Variants in XIRP1 observed in about 807,000 individuals in gnomAD.
XIRP1 encodes the protein xin actin binding repeat containing 1.
For synonymous variants in XIRP1, 984 were observed against 947.0 expected, an observed-to-expected ratio of 1.04 and a Z score of -0.72; for missense variants, 2,378 against 2,345.4, an observed-to-expected ratio of 1.01 and a Z score of -0.29.
Position 39,188,715 on chromosome 3 carries a change from T to A in XIRP1, c.731A>T (p.Gln244Leu). 6.2e-7 allele frequency: 1 copy of A among 1,613,752 alleles called. No individual in the cohort carries two copies. Among genetic ancestry groups the A allele is most frequent in the Non-Finnish European group, 8.5e-7 (1 of 1,180,042 alleles). Residue 244 changes from glutamine to leucine, a missense_variant, in exon 2 of 2, where the codon CAG becomes CTG. Coordinates refer to ENST00000340369, the MANE Select transcript of XIRP1 (RefSeq NM_194293.4). ...CTCATGGATGGCGCCCTCTGCATCC[T>A]GGATGGCACACAGGGGCTCCGTTTG... ...LFQTEPLCAI[Q>L]DAEGAIHEVK...
At chr3:39,192,293 G>A (rs2040097111) in intron 1 of XIRP1, among the ~76,000 whole-genome samples, 153 bp downstream of exon 1, 2 of 152,144 alleles carry the variant, frequency 1.3e-5, no homozygotes, top group Admixed American at 6.5e-5. Flanking sequence ...GGTTCTTTAT[G>A]TCTGAGACTT....
In XIRP1 at chr3:39,188,847, A is replaced by T; in HGVS notation, c.599T>A (p.Leu200Gln). 1 of 1,612,508 alleles carries T rather than the reference A, an allele frequency of 6.2e-7. No individual in the cohort carries two copies. Among genetic ancestry groups the T allele is most frequent in the Non-Finnish European group, 8.5e-7 (1 of 1,180,028 alleles). ...GGAGGGGCGGGAGCCCAGGCGGTCC[A>T]GCGGCCGCGTCTCAAAGAGCATCCT... The part of the protein sequence containing the change: ...GTRMLFETRP[L>Q]DRLGSRPSLQ... The change falls in exon 2 of 2, where the codon CTG becomes CAG. Residue 200 changes from leucine to glutamine, a missense_variant. By Grantham distance (113) the Leu-to-Gln change is moderately radical. Transcript: ENST00000340369.
In XIRP1 at chr3:39,185,674, G is replaced by C; in HGVS notation, c.3772C>G (p.Pro1258Ala). 6.2e-7 allele frequency: 1 copy of C among 1,613,016 alleles called. No homozygotes were observed. Among genetic ancestry groups the C allele is most frequent in the Non-Finnish European group, 8.5e-7 (1 of 1,179,448 alleles). Residue 1258 changes from proline (P) to alanine (A), a missense_variant, in exon 2 of 2, where the codon CCT (proline) becomes GCT (alanine). Transcript: ENST00000340369. ...HPHNAFVPPP[P>A]TLPAAVTGPD... Reference sequence around the variant, plus strand: ...CCTGTCACAGCAGCTGGGAGAGTAGGAGGAGGAGGAACAAAGGCATTATGG... The same window carrying C: ...CCTGTCACAGCAGCTGGGAGAGTAGCAGGAGGAGGAACAAAGGCATTATGG...
chr3:39,183,765 C>T lies in XIRP1; in HGVS notation c.*149G>A, dbSNP rs1465707117. The T allele has an allele frequency of 1.6e-5, 21 of 1,290,434 alleles. No homozygotes were observed. Among genetic ancestry groups the T allele is most frequent in the Non-Finnish European group, 2.1e-5 (20 of 970,064 alleles). The allele number at this position is 1,290,434 out of a possible 1,614,324, so 79.9% of individuals were successfully genotyped here. A position where few individuals can be genotyped will look rare whatever the true frequency, so the allele number is the denominator to read the frequency against. Reference sequence around the variant, plus strand: ...GGAAGAACTGGGCCTATTGAAAGAACTGCGAAAGGGAAATGGCCCACAGTA... The same window carrying T: ...GGAAGAACTGGGCCTATTGAAAGAATTGCGAAAGGGAAATGGCCCACAGTA... On this transcript the variant is annotated 3_prime_UTR_variant, in exon 2 of 2. Coordinates refer to ENST00000340369, the MANE Select transcript of XIRP1 (RefSeq NM_194293.4).
Position 39,186,021 on chromosome 3 carries a change from A to G in XIRP1, c.3425T>C (p.Ile1142Thr). 6.2e-7 allele frequency: 1 copy of G among 1,614,116 alleles called. No individual in the cohort carries two copies. Among genetic ancestry groups the G allele is most frequent in the Non-Finnish European group, 8.5e-7 (1 of 1,179,986 alleles). The change falls in exon 2 of 2, where the codon ATC becomes ACC. Residue 1142 changes from isoleucine (I) to threonine (T), a missense_variant. Ile to Thr is a moderately conservative substitution (Grantham distance 89, BLOSUM62 -1). Transcript: ENST00000340369. The part of the protein sequence containing the change: ...PGGWVTIQDG[I>T]YTAHPVRTFD... ...GGTCCTCACGGGATGAGCGGTGTAGATGCCATCCTGAATTGTCACCCACCC... is the reference window on the plus strand; with the variant it reads ...GGTCCTCACGGGATGAGCGGTGTAGGTGCCATCCTGAATTGTCACCCACCC...
chr3:39,189,307 G>C lies in XIRP1; in HGVS notation c.139C>G (p.Gln47Glu). The change falls in exon 2 of 2, where the codon CAG becomes GAG. Residue 47 changes from glutamine to glutamate, a missense_variant. Coordinates refer to ENST00000340369, the MANE Select transcript of XIRP1 (RefSeq NM_194293.4). ...CGGAGCTCACTAGCTTGCCGCTGCT[G>C]ATGGAACTTGGAGAAGGATTCCTTG... ...PPKESFSKFH[Q>E]QRQASELRRL... is the part of the protein sequence containing the mutation. 1.3e-6 allele frequency: 2 copies of C among 1,563,670 alleles called. No homozygotes were observed. Among genetic ancestry groups the C allele is most frequent in the South Asian group, 2.2e-5 (2 of 90,478 alleles).
intron 1 of XIRP1, among the ~76,000 whole-genome samples, chr3:39,191,121 C>T (rs949372152): frequency 8.5e-5 from 13 of 152,198 alleles, no homozygotes; most frequent in African/African-American, 4.8e-5. Flanking sequence ...AAACTGAGAC[C>T]TGCTGACCCC....
Position 39,185,481 on chromosome 3 carries a change from T to C in XIRP1, c.3965A>G (p.Lys1322Arg), listed in dbSNP as rs777109819. 1.3e-6 allele frequency: 2 copies of C among 1,569,560 alleles called. No individual in the cohort carries two copies. Among genetic ancestry groups the C allele is most frequent in the Non-Finnish European group, 1.7e-6 (2 of 1,158,158 alleles). The change falls in exon 2 of 2, where the codon AAG becomes AGG. Residue 1322 changes from lysine to arginine, a missense_variant. Coordinates refer to ENST00000340369, the MANE Select transcript of XIRP1 (RefSeq NM_194293.4). ...PKLDPTMPPK[K>R]KPQLPPKPAH... Reference sequence around the variant, plus strand: ...AGGTTTAGGGGGCAGCTGCGGCTTCTTCTTTGGGGGCATGGTGGGGTCCAG... The same window carrying C: ...AGGTTTAGGGGGCAGCTGCGGCTTCCTCTTTGGGGGCATGGTGGGGTCCAG...
rs202230235 is a variant in XIRP1 at position 39,185,308 on chromosome 3, C to T, written c.4138G>A (p.Val1380Ile). ...IPQPAKVPTT[V>I]DQGHIPLARC... ...GCCAGAGGTATGTGGCCCTGGTCTA[C>T]AGTAGTGGGAACCTTGGCTGGCTGA... The change falls in exon 2 of 2, where the codon GTA becomes ATA. Residue 1380 changes from valine (V) to isoleucine (I), a missense_variant. Val to Ile is a conservative substitution (Grantham distance 29). Coordinates refer to ENST00000340369, the MANE Select transcript of XIRP1 (RefSeq NM_194293.4). The T allele has an allele frequency of 1.2e-6, 2 of 1,614,068 alleles. No homozygotes were observed. Among genetic ancestry groups the T allele is most frequent in the African/African-American group, 1.3e-5 (1 of 74,912 alleles).
chr3:39,187,313 C>G lies in XIRP1; in HGVS notation c.2133G>C (p.Gln711His). 1 of 1,594,630 alleles carries G rather than the reference C, an allele frequency of 6.3e-7. No individual in the cohort carries two copies. Among genetic ancestry groups the G allele is most frequent in the Non-Finnish European group, 8.5e-7 (1 of 1,169,694 alleles). The change falls in exon 2 of 2, where the codon CAG (glutamine) becomes CAC (histidine). Residue 711 changes from glutamine to histidine, a missense_variant. Coordinates refer to ENST00000340369, the MANE Select transcript of XIRP1 (RefSeq NM_194293.4). ...QALEAGKKEE[Q>H]EPRVIAGSIP... is the part of the protein sequence containing the mutation. ...TGGACCCAGCGATTACCCGGGGCTC[C>G]TGTTCTTCCTTCTTGCCTGCCTCCA...
Position 39,188,783 on chromosome 3 carries a change from G to A in XIRP1, c.663C>T (p.Ile221=). ...EQSPLELRSE[I]QELKGDVKKT... ...TTTTCACATCACCCTTCAGCTCCTG[G>A]ATCTCTGAGCGCAGTTCCAAGGGGC... The change falls in exon 2 of 2, where the codon ATC becomes ATT. Residue 221 remains isoleucine (I), a synonymous_variant. Transcript: ENST00000340369. 1.2e-6 allele frequency: 2 copies of A among 1,613,618 alleles called. No homozygotes were observed. Among genetic ancestry groups the A allele is most frequent in the Non-Finnish European group, 1.7e-6 (2 of 1,180,038 alleles).
Position 39,184,491 on chromosome 3 carries a change from T to C in XIRP1, c.4955A>G (p.Glu1652Gly), listed in dbSNP as rs2039926028. 1.2e-6 allele frequency: 2 copies of C among 1,613,852 alleles called. No homozygotes were observed. Among genetic ancestry groups the C allele is most frequent in the African/African-American group, 1.3e-5 (1 of 74,918 alleles). Reference protein sequence around the residue: ...PSTRRQETSREYLCPPRVLPS... With the variant: ...PSTRRQETSRGYLCPPRVLPS... ...TAAAACCCGAGGAGGGCACAAATACTCTCTTGATGTCTCCTGCCTCCTGGT... is the reference window on the plus strand; with the variant it reads ...TAAAACCCGAGGAGGGCACAAATACCCTCTTGATGTCTCCTGCCTCCTGGT... The change falls in exon 2 of 2, where the codon GAG becomes GGG. Residue 1652 changes from glutamate to glycine, a missense_variant. Physicochemically the swap from Glu to Gly is moderately conservative, Grantham distance 98. Coordinates refer to ENST00000340369, the MANE Select transcript of XIRP1 (RefSeq NM_194293.4).
Position 39,185,673 on chromosome 3 carries a change from G to A in XIRP1, c.3773C>T (p.Pro1258Leu), listed in dbSNP as rs2039955272. ...TCCTGTCACAGCAGCTGGGAGAGTA[G>A]GAGGAGGAGGAACAAAGGCATTATG... ...HPHNAFVPPP[P>L]TLPAAVTGPD... Residue 1258 changes from proline to leucine, a missense_variant, in exon 2 of 2, where the codon CCT becomes CTT. Transcript: ENST00000340369. 5.0e-6 allele frequency: 8 copies of A among 1,613,060 alleles called. No homozygotes were observed. The highest frequency in any genetic ancestry group is 6.8e-6 in the Non-Finnish European group (8 of 1,179,488).
Position 39,183,556 on chromosome 3 carries a change from TG to T in XIRP1, c.*357del, listed in dbSNP as rs878876522. On this transcript the variant is annotated 3_prime_UTR_variant, in exon 2 of 2. Transcript: ENST00000340369. ...AAAAACTCTGGGTAGAGGGACACTC[TG>T]GGGGGCTCCAATTCAGGCAGTGGTG... is the stretch of plus-strand genomic sequence containing the variant. 1.2e-5 allele frequency: 3 copies of T among 249,102 alleles called. No individual in the cohort carries two copies. The highest frequency in any genetic ancestry group is 2.3e-5 in the African/African-American group (1 of 44,190). 15.4% of individuals were successfully genotyped at this position (249,102 alleles called of 1,614,324 possible). A position where few individuals can be genotyped will look rare whatever the true frequency, so the allele number is the denominator to read the frequency against.
At position 39,186,013 on chromosome 3, in the gene XIRP1, C is replaced by T. The variant is rs147374766; in HGVS notation, c.3433G>A (p.Ala1145Thr). The T allele has an allele frequency of 9.7e-4, 1,561 of 1,614,138 alleles. No homozygotes were observed. Among genetic ancestry groups the T allele is most frequent in the Non-Finnish European group, 1.2e-3 (1,360 of 1,180,004 alleles). ...WVTIQDGIYT[A>T]HPVRTFDPPG... ...GGGTCAAAGGTCCTCACGGGATGAG[C>T]GGTGTAGATGCCATCCTGAATTGTC... is the stretch of plus-strand genomic sequence containing the variant. Residue 1145 changes from alanine (A) to threonine (T), a missense_variant, in exon 2 of 2, where the codon GCT (alanine) becomes ACT (threonine). By Grantham distance (58) the Ala-to-Thr change is moderately conservative. Coordinates refer to ENST00000340369, the MANE Select transcript of XIRP1 (RefSeq NM_194293.4).
At position 39,187,666 on chromosome 3, in the gene XIRP1, T is replaced by C; in HGVS notation, c.1780A>G (p.Ile594Val). ...EAPPKGDVQTIRWLFETCPMS... is the reference protein window; with the variant it reads ...EAPPKGDVQTVRWLFETCPMS... ...GGGCAAGTCTCGAACAACCACCGGA[T>C]GGTCTGCACATCGCCCTTTGGGGGT... The change falls in exon 2 of 2, where the codon ATC becomes GTC. Residue 594 changes from isoleucine (I) to valine (V), a missense_variant. Ile to Val is a conservative substitution (Grantham distance 29). Transcript: ENST00000340369. 1.2e-6 allele frequency: 2 copies of C among 1,614,088 alleles called. No individual in the cohort carries two copies. Among genetic ancestry groups the C allele is most frequent in the Middle Eastern group, 1.6e-4 (1 of 6,062 alleles).
chr3:39,185,311 T>G lies in XIRP1; in HGVS notation c.4135A>C (p.Thr1379Pro). The change falls in exon 2 of 2, where the codon ACT becomes CCT. Residue 1379 changes from threonine to proline, a missense_variant. Transcript: ENST00000340369. ...AGAGGTATGTGGCCCTGGTCTACAG[T>G]AGTGGGAACCTTGGCTGGCTGAGGG... is the stretch of plus-strand genomic sequence containing the variant. Reference protein sequence around the residue: ...AIPQPAKVPTTVDQGHIPLAR... With the variant: ...AIPQPAKVPTPVDQGHIPLAR... The G allele has an allele frequency of 6.2e-7, 1 of 1,614,090 alleles. No homozygotes were observed. Among genetic ancestry groups the G allele is most frequent in the Non-Finnish European group, 8.5e-7 (1 of 1,180,008 alleles).
chr3:39,184,764 ATGGAGCTGAGTGCCT>A lies in XIRP1; in HGVS notation c.4667_4681del (p.Lys1556_Ser1560del). On this transcript the variant is annotated inframe_deletion, in exon 2 of 2. Transcript: ENST00000340369. The stretch of plus-strand genomic sequence containing the variant: ...ACTGGCCTCAGGCTGGAGGCTAGAC[ATGGAGCTGAGTGCCT>A]TGTGCACAGCCTCTTCAATGTCCAG... The A allele has an allele frequency of 6.2e-7, 1 of 1,614,238 alleles. No homozygotes were observed. The highest frequency in any genetic ancestry group is 8.5e-7 in the Non-Finnish European group (1 of 1,180,032).
Position 39,185,647 on chromosome 3 carries a change from G to A in XIRP1, c.3799C>T (p.Pro1267Ser). 1.9e-6 allele frequency: 3 copies of A among 1,613,620 alleles called. No homozygotes were observed. The South Asian group carries it at 3.3e-5, about 18-fold the overall frequency. Residue 1267 changes from proline (P) to serine (S), a missense_variant, in exon 2 of 2, where the codon CCT becomes TCT. Pro to Ser is a moderately conservative substitution (Grantham distance 74). Transcript: ENST00000340369. The part of the protein sequence containing the change: ...PPTLPAAVTG[P>S]DFPAGAHRAE... Reference sequence around the variant, plus strand: ...CGGTGGGCTCCAGCTGGAAAGTCAGGTCCTGTCACAGCAGCTGGGAGAGTA... The same window carrying A: ...CGGTGGGCTCCAGCTGGAAAGTCAGATCCTGTCACAGCAGCTGGGAGAGTA...
Sources: allele counts gnomAD v4.1 joint callset (sites outside exome capture counted in the v4.1 genomes callset), GRCh38; gene constraint gnomAD v4.1.1; transcripts MANE v1.5; gene names NCBI Gene and HGNC (gene_info 2026-07-23, HGNC 2026-07-21).